CNTLN: variants seen among roughly 807,000 people sequenced by gnomAD.
The protein encoded by CNTLN is centlein, centrosomal protein.
In CNTLN, 212 loss-of-function variants were observed where a neutral mutation model predicts 180.0. The ratio of observed to expected loss-of-function variants is 1.18; its 90% CI spans 1.05 to 1.32. The LOEUF is 1.32. CNTLN is among the 40% of genes most tolerant of loss of function. The pLI is 0.00. For missense variants in CNTLN, 2,095 were observed against 1,610.9 expected (o/e 1.30, Z -5.14); for synonymous variants, 722 against 563.1 (o/e 1.28, Z -3.99).
At chr9:17,157,959 A>C (rs1356254946) in intron 2 of CNTLN, among the ~76,000 whole-genome samples, 1 of 152,202 alleles carries the variant, frequency 6.6e-6, no homozygotes, top group Non-Finnish European at 1.5e-5. Context: ...ATATTAATTA[A>C]AACTACCTTC....
Position 17,138,338 on chromosome 9 carries a change from A to G in CNTLN, c.360+2913A>G, listed in dbSNP as rs116203919. On this transcript the variant is annotated intron_variant, in intron 1 of 25. Coordinates refer to ENST00000380647, the MANE Select transcript of CNTLN (RefSeq NM_017738.4). ...TTGGTATCAGGCAAAAATATTGACTAAACCTATAAGCCAGTTTTAGGAAAA... is the reference window on the plus strand; with the variant it reads ...TTGGTATCAGGCAAAAATATTGACTGAACCTATAAGCCAGTTTTAGGAAAA... 7.2e-3 allele frequency among the ~76,000 whole-genome samples: 1,100 copies of G among 152,302 alleles called. 7 individuals are homozygous for G. Among genetic ancestry groups the G allele is most frequent in the African/African-American group, 0.024 (998 of 41,574 alleles).
At chr9:17,521,805 T>C in the CNTLN span, among the ~76,000 whole-genome samples, 3 of 152,370 alleles carry the variant, frequency 2.0e-5, no homozygotes, top group East Asian at 3.9e-4. Context: ...GAGTTTGGGC[T>C]GCTTCAACAA....
intron 6 of CNTLN, among the ~76,000 whole-genome samples, chr9:17,287,238 G>A (rs1270963190): frequency 6.6e-6 from 1 of 151,730 alleles, no homozygotes; most frequent in Non-Finnish European, 1.5e-5. Flanking sequence ...TTTTGTCAAA[G>A]GCTTTTTCTG....
Position 17,415,802 on chromosome 9 carries a change from TAAG to T in CNTLN, c.2814_2816del (p.Lys938del). The T allele has an allele frequency of 6.2e-7, 1 of 1,606,188 alleles. No individual in the cohort carries two copies. Among genetic ancestry groups the T allele is most frequent in the South Asian group, 1.1e-5 (1 of 90,512 alleles). ...TTCAAATTTAGGACTATTTTCATGA[TAAG>T]AATGCCAAAAAACCAACTTTTCAAA... On this transcript the variant is annotated inframe_deletion, in exon 17 of 26. Transcript: ENST00000380647.
In CNTLN at chr9:17,135,047, C is replaced by A; in HGVS notation, c.-19C>A. On this transcript the variant is annotated 5_prime_UTR_variant, in exon 1 of 26. Transcript: ENST00000380647. ...GTGGAGTTTCCAACAGGGAACTTGA[C>A]CCGTTAGCAGCCGCAGCCATGGCGG... 1 of 1,586,852 alleles carries A rather than the reference C, an allele frequency of 6.3e-7. No homozygotes were observed. Among genetic ancestry groups the A allele is most frequent in the Non-Finnish European group, 8.5e-7 (1 of 1,172,732 alleles).
chr9:17,299,546 A>T, intron 7 of CNTLN: 1 of 985,360 alleles, frequency 1.0e-6, no homozygotes, highest in South Asian at 4.7e-5. Flanking sequence ...GATGCTTTGT[A>T]ACAGTGGTTT....
At chr9:17,432,504 A>C (rs1829474559) in intron 18 of CNTLN, among the ~76,000 whole-genome samples, 1 of 152,180 alleles carries the variant, frequency 6.6e-6, no homozygotes, top group Non-Finnish European at 1.5e-5. Flanking sequence ...AAAACACAGA[A>C]GATATATGAG....
chr9:17,425,276 T>A (rs2133947581), intron 18 of CNTLN, among the ~76,000 whole-genome samples: 1 of 152,166 alleles, frequency 6.6e-6, no homozygotes, highest in Admixed American at 6.5e-5. Flanking sequence ...GTAGTTAGAG[T>A]TAAAGGAGGT....
At position 17,394,627 on chromosome 9, in the gene CNTLN, C is replaced by A; in HGVS notation, c.2173C>A (p.Leu725Met). 6.2e-7 allele frequency: 1 copy of A among 1,604,624 alleles called. No individual in the cohort carries two copies. The highest frequency in any genetic ancestry group is 1.1e-5 in the South Asian group (1 of 87,934). ...NKKLMKENDF[L>M]KSLLKQQQED... ...AAAATTAATGAAAGAAAATGATTTT[C>A]TGAAATCCCTCTTAAAACAGCAACA... Residue 725 changes from leucine (L) to methionine (M), a missense_variant, in exon 15 of 26, where the codon CTG becomes ATG. By Grantham distance (15) the Leu-to-Met change is conservative. Coordinates refer to ENST00000380647, the MANE Select transcript of CNTLN (RefSeq NM_017738.4).
the CNTLN span, among the ~76,000 whole-genome samples, chr9:17,512,309 A>T: frequency 6.6e-6 from 1 of 152,328 alleles, no homozygotes; most frequent in Non-Finnish European, 1.5e-5. Flanking sequence ...CCTTTTATCA[A>T]TTTAAACTGA....
rs143437062 is a variant in CNTLN at position 17,260,731 on chromosome 9, T to C, written c.850-13002T>C. ...TTTGTCAATTTTTGTTGCAGTTGCTTTTGATGTCTTCATCATAAAATCTTT... is the reference window on the plus strand; with the variant it reads ...TTTGTCAATTTTTGTTGCAGTTGCTCTTGATGTCTTCATCATAAAATCTTT... On this transcript the variant is annotated intron_variant, in intron 5 of 25. Coordinates refer to ENST00000380647, the MANE Select transcript of CNTLN (RefSeq NM_017738.4). Among the ~76,000 whole-genome samples the C allele has an allele frequency of 5.2e-3, 786 of 151,588 alleles. 33 individuals carry two copies. The highest frequency in any genetic ancestry group is 0.018 in the African/African-American group (732 of 40,990).
chr9:17,262,534 T>C (rs1428027690), intron 5 of CNTLN, among the ~76,000 whole-genome samples: 3 of 151,212 alleles, frequency 2.0e-5, no homozygotes, highest in Admixed American at 1.3e-4. Context: ...TGAGAACACA[T>C]GAACACAGGA....
chr9:17,268,929 C>G (rs1019588202), intron 5 of CNTLN, among the ~76,000 whole-genome samples: 2 of 152,018 alleles, frequency 1.3e-5, no homozygotes, highest in Admixed American at 1.3e-4. Flanking sequence ...TTTCCAGGTG[C>G]TGTCTGTCAC....
intron 5 of CNTLN, among the ~76,000 whole-genome samples, chr9:17,247,379 G>A (rs1177673320): frequency 6.6e-6 from 1 of 152,132 alleles, no homozygotes; most frequent in Non-Finnish European, 1.5e-5. Context: ...GCTGAGTTCT[G>A]CCCCATATTG....
intron 24 of CNTLN, 76 bp downstream of exon 24, chr9:17,484,556 TA>T (rs1319132385): frequency 1.7e-6 from 2 of 1,201,004 alleles, no homozygotes; most frequent in African/African-American, 3.2e-5. Flanking sequence ...ATTTGTTTTA[TA>T]CCTCTTAGAA....
intron 5 of CNTLN, among the ~76,000 whole-genome samples, chr9:17,264,305 T>C (rs1464495751): frequency 1.3e-5 from 2 of 151,436 alleles, no homozygotes; most frequent in Non-Finnish European, 2.9e-5. Context: ...TAGGGAATCC[T>C]TTCCCCATTG....
intron 5 of CNTLN, among the ~76,000 whole-genome samples, chr9:17,264,633 G>T (rs1332399715): frequency 5.9e-5 from 9 of 152,298 alleles, no homozygotes; most frequent in African/African-American, 2.2e-4. Context: ...ATTACCTTGG[G>T]CAGTATGGCC....
chr9:17,467,767 A>T (rs1831832418), intron 23 of CNTLN, among the ~76,000 whole-genome samples: 1 of 151,672 alleles, frequency 6.6e-6, no homozygotes, highest in Non-Finnish European at 1.5e-5. Context: ...CTTTCATTAA[A>T]TATTGTGACT....
chr9:17,491,802 C>G (rs1359959049), intron 25 of CNTLN, among the ~76,000 whole-genome samples: 1 of 152,048 alleles, frequency 6.6e-6, no homozygotes, highest in Admixed American at 6.6e-5. Context: ...CTAACTTTCC[C>G]CAGTGTCCTC....
Sources: gnomAD v4.1 joint callset for allele counts (sites outside exome capture counted in the v4.1 genomes callset) on GRCh38, gnomAD v4.1.1 for gene constraint, MANE v1.5 for transcripts, NCBI Gene and HGNC (gene_info 2026-07-23, HGNC 2026-07-21) for gene names.